Variants in SYT9 observed in about 807,000 individuals in gnomAD.
SYT9 encodes the protein synaptotagmin 9, also known as synaptotagmin-9.
In SYT9, 22 loss-of-function variants were observed where a neutral mutation model predicts 48.4. That is an observed-to-expected ratio of 0.45 (90% CI 0.32 to 0.65). The LOEUF (loss-of-function observed/expected upper bound fraction) is 0.65. Among genes scored for constraint, SYT9 ranks in the 30% least tolerant of loss-of-function variants. The pLI is 0.03. For synonymous variants in SYT9, 265 were observed against 245.0 expected (o/e 1.08, Z -0.76); for missense variants, 577 against 622.0 (o/e 0.93, Z 0.77).
chr11:7,244,196 A>G (rs978094888), intron 1 of SYT9, among the ~76,000 whole-genome samples: 2 of 152,174 alleles, frequency 1.3e-5, no homozygotes, highest in Non-Finnish European at 2.9e-5. Context: ...AAGCCAACAA[A>G]TCTCTATTTT....
intron 3 of SYT9, among the ~76,000 whole-genome samples, chr11:7,343,049 A>G (rs759233825): frequency 3.9e-5 from 6 of 152,192 alleles, no homozygotes; most frequent in Non-Finnish European, 8.8e-5. Context: ...TAGGCTGCAC[A>G]TGGTAGGGGT....
At chr11:7,403,823 ATTAG>A (rs1846948018) in intron 3 of SYT9, among the ~76,000 whole-genome samples, 1 of 152,266 alleles carries the variant, frequency 6.6e-6, no homozygotes, top group Middle Eastern at 3.4e-3. Flanking sequence ...ATAAAATGCC[ATTAG>A]TTAGGCCAAG....
chr11:7,360,630 C>G (rs1418676073), intron 3 of SYT9, among the ~76,000 whole-genome samples: 6 of 152,124 alleles, frequency 3.9e-5, no homozygotes. Flanking sequence ...AATGGGAGTT[C>G]ACTCATGATT....
upstream of SYT9, among the ~76,000 whole-genome samples, chr11:7,248,371 G>GT (rs1847820149): frequency 6.6e-6 from 1 of 151,624 alleles, no homozygotes; most frequent in Admixed American, 6.6e-5. Flanking sequence ...TATTGCATTT[G>GT]TTTTTGGGTT....
chr11:7,343,116 G>A (rs1477682607), intron 3 of SYT9, among the ~76,000 whole-genome samples: 3 of 152,192 alleles, frequency 2.0e-5, no homozygotes, highest in Non-Finnish European at 1.5e-5. Context: ...GCCTGTGATG[G>A]GAGGGGCTGC....
At chr11:7,400,368 T>C (rs1056898809) in intron 3 of SYT9, among the ~76,000 whole-genome samples, 10 of 152,162 alleles carry the variant, frequency 6.6e-5, no homozygotes, top group African/African-American at 2.4e-4. Context: ...TGACCTTACA[T>C]ATGCAAAAAA....
chr11:7,256,844 A>G (rs1056493422), intron 1 of SYT9, among the ~76,000 whole-genome samples: 2 of 152,186 alleles, frequency 1.3e-5, no homozygotes, highest in African/African-American at 4.8e-5. Context: ...AGGTCAGAGT[A>G]TGAAGCAGAG....
intron 3 of SYT9, among the ~76,000 whole-genome samples, chr11:7,340,620 C>G (rs915332080): frequency 1.3e-5 from 2 of 152,190 alleles, no homozygotes; most frequent in African/African-American, 4.8e-5. Context: ...GTATGGAGAA[C>G]AATCCAGTCA....
intron 1 of SYT9, among the ~76,000 whole-genome samples, chr11:7,289,778 A>G (rs1283855844): frequency 6.6e-6 from 1 of 152,212 alleles, no homozygotes; most frequent in Non-Finnish European, 1.5e-5. Context: ...CAATTACTAC[A>G]TTTCTTGGTC....
chr11:7,250,743 C>G (rs528460960), upstream of SYT9, among the ~76,000 whole-genome samples: 8 of 152,214 alleles, frequency 5.3e-5, no homozygotes, highest in African/African-American at 1.7e-4. Context: ...TCTATAGGAT[C>G]CCAAATTATC....
chr11:7,248,180 T>C (rs1375238706), upstream of SYT9, among the ~76,000 whole-genome samples: 1 of 152,200 alleles, frequency 6.6e-6, no homozygotes, highest in Non-Finnish European at 1.5e-5. Context: ...TTGTTTGTTT[T>C]TTTCGTGTTG....
intron 3 of SYT9, among the ~76,000 whole-genome samples, chr11:7,324,631 A>C (rs1386741): frequency 6.6e-6 from 1 of 151,914 alleles, no homozygotes; most frequent in African/African-American, 2.4e-5. Context: ...CTAGCATCAA[A>C]TATGAGTTTT....
Position 7,429,052 on chromosome 11 carries a change from G to A in SYT9, c.1467+8417G>A, listed in dbSNP as rs190272732. Reference sequence around the variant, plus strand: ...ACACTCCAGCAACAAAAAGCAGAAGGGAACCTCACAAAAGATCCTGCCCAG... The same window carrying A: ...ACACTCCAGCAACAAAAAGCAGAAGAGAACCTCACAAAAGATCCTGCCCAG... On this transcript the variant is annotated intron_variant, in intron 6 of 6. Coordinates refer to ENST00000318881, the MANE Select transcript of SYT9 (RefSeq NM_175733.4). 3.2e-4 allele frequency among the ~76,000 whole-genome samples: 48 copies of A among 152,244 alleles called. No individual in the cohort carries two copies. The Middle Eastern group carries it at 0.02, about 65-fold the overall frequency.
chr11:7,453,002 G>A (rs1309007984), intron 6 of SYT9, among the ~76,000 whole-genome samples: 5 of 151,966 alleles, frequency 3.3e-5, no homozygotes, highest in South Asian at 2.1e-4. Flanking sequence ...GGCTGCTCCC[G>A]AACTCCCGAC....
intron 3 of SYT9, among the ~76,000 whole-genome samples, chr11:7,352,411 G>C (rs563963801): frequency 6.6e-6 from 1 of 152,278 alleles, no homozygotes; most frequent in Non-Finnish European, 1.5e-5. Context: ...AGAAAGTTGT[G>C]CAGCAGATAT....
Position 7,420,551 on chromosome 11 carries a change from G to C in SYT9, c.1383G>C (p.Glu461Asp), listed in dbSNP as rs752856706. Residue 461 changes from glutamate (E) to aspartate (D), a missense_variant, in exon 6 of 7, where the codon GAG (glutamate) becomes GAC (aspartate). By Grantham distance (45) the Glu-to-Asp change is conservative (BLOSUM62 2). Transcript: ENST00000318881. ...TCGGCGTGTGTCAAGTAGGCAACGA[G>C]GCTGAGAGGCTGGGCAGAGACCACT... ...EIIGVCQVGN[E>D]AERLGRDHWS... The C allele has an allele frequency of 1.9e-6, 3 of 1,614,086 alleles. No individual in the cohort carries two copies. The African/African-American group carries it at 4.0e-5, about 22-fold the overall frequency.
chr11:7,377,094 C>T (rs997233139), intron 3 of SYT9, among the ~76,000 whole-genome samples: 1 of 149,662 alleles, frequency 6.7e-6, no homozygotes, highest in Non-Finnish European at 1.5e-5. Flanking sequence ...GAGAGAAGTC[C>T]CTGATGTCAA....
intron 3 of SYT9, among the ~76,000 whole-genome samples, chr11:7,389,962 C>A (rs1011757658): frequency 2.0e-4 from 31 of 152,270 alleles, no homozygotes; most frequent in African/African-American, 7.0e-4. Context: ...AGCCAACTTT[C>A]TGTTAAGAAT....
chr11:7,371,496 GAAA>G (rs201730864), intron 3 of SYT9, among the ~76,000 whole-genome samples: 1 of 147,090 alleles, frequency 6.8e-6, no homozygotes. Flanking sequence ...CTTATATATA[GAAA>G]AAAAGCTGTC....
Sources: gnomAD v4.1 joint callset for allele counts (sites outside exome capture counted in the v4.1 genomes callset) on GRCh38, gnomAD v4.1.1 for gene constraint, MANE v1.5 for transcripts, NCBI Gene and HGNC (gene_info 2026-07-23, HGNC 2026-07-21) for gene names.